MUC15: variants seen among roughly 807,000 people sequenced by gnomAD.
MUC15 encodes mucin 15, cell surface associated.
In MUC15, 23 loss-of-function variants were observed where a neutral mutation model predicts 24.0. The ratio of observed to expected loss-of-function variants is 0.96; its 90% CI spans 0.69 to 1.36. MUC15 has a LOEUF of 1.36. Among genes scored for constraint, MUC15 ranks in the 40% most tolerant of loss-of-function variants. MUC15 has a pLI of 0.00. For synonymous variants in MUC15, 151 were observed against 156.3 expected (o/e 0.97, Z 0.25); for missense variants, 442 against 428.2 (o/e 1.03, Z -0.29).
At chr11:26,568,640 A>T (rs986693319) in intron 1 of MUC15, among the ~76,000 whole-genome samples, 1 of 152,116 alleles carries the variant, frequency 6.6e-6, no homozygotes, top group Admixed American at 6.6e-5. Flanking sequence ...ATAACTGTCT[A>T]TTATGGTTTC....
At chr11:26,566,052 TA>T (rs1405018581) in intron 2 of MUC15, among the ~76,000 whole-genome samples, 156 bp from the exon 3 acceptor site, 1 of 151,940 alleles carries the variant, frequency 6.6e-6, no homozygotes, top group Non-Finnish European at 1.5e-5. Context: ...ATTATGTACT[TA>T]AATTAGTGCC....
Position 26,559,925 on chromosome 11 carries a change from G to C in MUC15, c.*1140C>G. 6 of 612,736 alleles carry C rather than the reference G, an allele frequency of 9.8e-6. No homozygotes were observed. The East Asian group carries it at 1.3e-4, about 13-fold the overall frequency. 38.0% of individuals were successfully genotyped at this position (612,736 alleles called of 1,614,324 possible). On this transcript the variant is annotated 3_prime_UTR_variant, in exon 5 of 5. Transcript: ENST00000529533. ...CTCTAGGTTGGTACTTGATTTGTTTGCTCTCTTCATATATTCAGTGCTTCT... is the reference window on the plus strand; with the variant it reads ...CTCTAGGTTGGTACTTGATTTGTTTCCTCTCTTCATATATTCAGTGCTTCT...
intron 4 of MUC15, among the ~76,000 whole-genome samples, chr11:26,561,496 T>C (rs1850290072): frequency 6.6e-6 from 1 of 152,034 alleles, no homozygotes; most frequent in Non-Finnish European, 1.5e-5. Flanking sequence ...AGTATATCAA[T>C]ACCTTGCATA....
chr11:26,563,381 G>A (rs1850374282), intron 3 of MUC15, 116 bp from the exon 4 acceptor site: 1 of 1,050,496 alleles, frequency 9.5e-7, no homozygotes. Flanking sequence ...TTAGATAATG[G>A]TGTGTTTCTC....
intron 2 of MUC15, among the ~76,000 whole-genome samples, chr11:26,566,496 A>T (rs1267471490): frequency 6.6e-6 from 1 of 151,978 alleles, no homozygotes; most frequent in Non-Finnish European, 1.5e-5. Context: ...ATAACTCATG[A>T]ATTTGAATGT....
intron 2 of MUC15, 87 bp downstream of exon 2, chr11:26,566,965 A>G: frequency 8.5e-7 from 1 of 1,176,580 alleles, no homozygotes; most frequent in Non-Finnish European, 1.1e-6. Flanking sequence ...ATAGATGCTA[A>G]CCTCCATTTA....
At chr11:26,561,855 T>C (rs1035419476) in intron 4 of MUC15, among the ~76,000 whole-genome samples, 1 of 151,982 alleles carries the variant, frequency 6.6e-6, no homozygotes, top group African/African-American at 2.4e-5. Context: ...AAACTGGACA[T>C]GCTCTTGGTA....
rs577067873 is a variant in MUC15, at chr11:26,571,041, G to C, written c.-46+1000C>G. ...AAAAAAACAAATTTCAGAAGTTTGAGAACATTATTCTGGCTAAAAGACTTA... is the reference window on the plus strand; with the variant it reads ...AAAAAAACAAATTTCAGAAGTTTGACAACATTATTCTGGCTAAAAGACTTA... On this transcript the variant is annotated intron_variant, in intron 1 of 4. Transcript: ENST00000529533. 4.6e-5 allele frequency among the ~76,000 whole-genome samples: 7 copies of C among 152,206 alleles called. No homozygotes were observed. The South Asian group carries it at 1.5e-3, about 32-fold the overall frequency.
chr11:26,560,928 A>G lies in MUC15; in HGVS notation c.*137T>C. On this transcript the variant is annotated 3_prime_UTR_variant, in exon 5 of 5. Transcript: ENST00000529533. ...GATACATCCTGTCTACATTTCTGCT[A>G]CTGGTCTCCTGCTTTTATGATTCTC... The G allele has an allele frequency of 1.2e-6, 1 of 813,520 alleles. No individual in the cohort carries two copies. The highest frequency in any genetic ancestry group is 1.9e-6 in the Non-Finnish European group (1 of 533,236). The allele number at this position is 813,520 out of a possible 1,614,324, so 50.4% of individuals were successfully genotyped here.
intron 1 of MUC15, among the ~76,000 whole-genome samples, chr11:26,568,936 T>C (rs779220454): frequency 3.3e-5 from 5 of 152,116 alleles, no homozygotes; most frequent in Non-Finnish European, 7.4e-5. Flanking sequence ...AGCATTATTA[T>C]GGCATTCGAT....
At chr11:26,571,951 C>T (rs1275927990) in intron 1 of MUC15, 90 bp downstream of exon 1, 10 of 468,214 alleles carry the variant, frequency 2.1e-5, no homozygotes, top group South Asian at 1.8e-4. Context: ...GAGACCACTG[C>T]GATTCTCTTT....
rs775618865 is a variant in MUC15 at position 26,561,168 on chromosome 11, T to A, written c.983A>T (p.Tyr328Phe). The A allele has an allele frequency of 4.3e-6, 7 of 1,612,566 alleles. No individual in the cohort carries two copies. Among genetic ancestry groups the A allele is most frequent in the Non-Finnish European group, 5.9e-6 (7 of 1,179,202 alleles). ...TGAATCATTCAAAGTTGGATTGTAG[T>A]AGCTAGAATTCCCAAAACTCACATC... ...PYDVSFGNSS[Y>F]YNPTLNDSAM... is the part of the protein sequence containing the mutation. The change falls in exon 5 of 5, where the codon TAC becomes TTC. Residue 328 changes from tyrosine (Y) to phenylalanine (F), a missense_variant. By Grantham distance (22) the Tyr-to-Phe change is conservative (BLOSUM62 3). Transcript: ENST00000529533.
At position 26,565,879 on chromosome 11, in the gene MUC15, G is replaced by T. The variant is rs201956622; in HGVS notation, c.61C>A (p.Pro21Thr). 3.1e-5 allele frequency: 48 copies of T among 1,567,128 alleles called. No homozygotes were observed. Among genetic ancestry groups the T allele is most frequent in the Middle Eastern group, 1.8e-4 (1 of 5,700 alleles). ...SRDCYSFKKKPIPKKPTMLAL... is the reference protein window; with the variant it reads ...SRDCYSFKKKTIPKKPTMLAL... ...AACATTGTAGGCTTCTTTGGTATTG[G>T]TTTTTTTTTAAAGGAATCTGAAAGA... is the stretch of plus-strand genomic sequence containing the variant. The change falls in exon 3 of 5, where the codon CCA becomes ACA. Residue 21 changes from proline to threonine, a missense_variant. Pro to Thr is a conservative substitution (Grantham distance 38, BLOSUM62 -1). Coordinates refer to ENST00000529533, the MANE Select transcript of MUC15 (RefSeq NM_001135091.2).
chr11:26,565,613 G>T lies in MUC15; in HGVS notation c.327C>A (p.His109Gln). 1.2e-6 allele frequency: 2 copies of T among 1,612,976 alleles called. No individual in the cohort carries two copies. Among genetic ancestry groups the T allele is most frequent in the Non-Finnish European group, 1.7e-6 (2 of 1,179,396 alleles). The change falls in exon 3 of 5, where the codon CAC becomes CAA. Residue 109 changes from histidine to glutamine, a missense_variant. Physicochemically the swap from His to Gln is conservative, Grantham distance 24. Transcript: ENST00000529533. ...SPPLNLPNNS[H>Q]GITDFSSNSS... Reference sequence around the variant, plus strand: ...AGTTACTGGAGAAATCTGTTATTCCGTGGCTGTTGTTGGGTAGATTCAAAG... The same window carrying T: ...AGTTACTGGAGAAATCTGTTATTCCTTGGCTGTTGTTGGGTAGATTCAAAG...
rs751594123 is a variant in MUC15 at position 26,563,274 on chromosome 11, CA to C, written c.776-10del. 30 of 1,574,172 alleles carry C rather than the reference CA, an allele frequency of 1.9e-5. No homozygotes were observed. Among genetic ancestry groups the C allele is most frequent in the Middle Eastern group, 1.7e-4 (1 of 5,858 alleles). The stretch of plus-strand genomic sequence containing the variant: ...TCCTGTATTTCTATTTTCTACAGGA[CA>C]AAAAAAATTTAAAGAAATATAAAAT... On this transcript the variant is annotated splice_polypyrimidine_tract_variant and intron_variant, in intron 3 of 4. Transcript: ENST00000529533.
intron 1 of MUC15, among the ~76,000 whole-genome samples, chr11:26,569,682 A>G (rs762804040): frequency 3.9e-5 from 6 of 152,036 alleles, no homozygotes; most frequent in Admixed American, 6.6e-5. Context: ...TGAAATCTAT[A>G]TATGTTTTAC....
chr11:26,560,765 C>T lies in MUC15; in HGVS notation c.*300G>A. On this transcript the variant is annotated 3_prime_UTR_variant, in exon 5 of 5. Coordinates refer to ENST00000529533, the MANE Select transcript of MUC15 (RefSeq NM_001135091.2). ...TTTATTATTTAGTTATGAGGCAGGG[C>T]TGTAATGGTGAAATCTTTTAGTTTT... The T allele has an allele frequency of 8.0e-6, 2 of 250,746 alleles. No individual in the cohort carries two copies. Among genetic ancestry groups the T allele is most frequent in the Non-Finnish European group, 1.5e-5 (2 of 132,538 alleles). 15.5% of individuals were successfully genotyped at this position (250,746 alleles called of 1,614,324 possible).
chr11:26,569,959 G>A (rs1850754892), intron 1 of MUC15, among the ~76,000 whole-genome samples: 1 of 151,918 alleles, frequency 6.6e-6, no homozygotes, highest in African/African-American at 2.4e-5. Context: ...GCATCTGGGT[G>A]GTAGCTCCTA....
chr11:26,571,218 A>C (rs1480113746), intron 1 of MUC15, among the ~76,000 whole-genome samples: 1 of 152,106 alleles, frequency 6.6e-6, no homozygotes, highest in East Asian at 1.9e-4. Context: ...TCTAGATCAA[A>C]ATTTTCAAGC....
Sources: gnomAD v4.1 joint callset for allele counts (sites outside exome capture counted in the v4.1 genomes callset) on GRCh38, gnomAD v4.1.1 for gene constraint, MANE v1.5 for transcripts, NCBI Gene and HGNC (gene_info 2026-07-23, HGNC 2026-07-21) for gene names.